The following PLEKHA4 variants were observed in gnomAD, a reference collection of about 807,000 sequenced individuals.
PLEKHA4 encodes the protein pleckstrin homology domain-containing family A member 4.
In PLEKHA4, 73 loss-of-function variants were observed where a neutral mutation model predicts 94.7. The ratio of observed to expected loss-of-function variants is 0.77; its 90% CI spans 0.64 to 0.94. PLEKHA4 has a LOEUF of 0.94. Among genes scored for constraint, PLEKHA4 ranks in the 40% least tolerant of loss-of-function variants. The pLI, the probability that PLEKHA4 is intolerant of heterozygous loss-of-function variation, is 0.00. For missense variants in PLEKHA4, 1,049 were observed against 1,054.1 expected (o/e 1.00, Z 0.07); for synonymous variants, 449 against 437.1 (o/e 1.03, Z -0.34).
chr19:48,849,971 G>T (rs1047007062), intron 13 of PLEKHA4, among the ~76,000 whole-genome samples: 7 of 152,162 alleles, frequency 4.6e-5, no homozygotes, highest in Admixed American at 4.6e-4. Flanking sequence ...CCAGCACTTT[G>T]GGAGGCCGAG....
At chr19:48,861,800 G>T (rs1382904805) in intron 3 of PLEKHA4, 108 bp from the exon 4 acceptor site, 3 of 977,280 alleles carry the variant, frequency 3.1e-6, no homozygotes, top group Non-Finnish European at 4.8e-6. Flanking sequence ...AACTTGGAGA[G>T]AGGAGAACAG....
intron 3 of PLEKHA4, among the ~76,000 whole-genome samples, chr19:48,863,452 C>G (rs1164822914): frequency 1.7e-5 from 2 of 115,724 alleles, no homozygotes; most frequent in African/African-American, 3.0e-5. Context: ...TTTTTTGAGA[C>G]GGAGTCTTCG....
chr19:48,861,368 C>T (rs518822), intron 5 of PLEKHA4, 33 bp downstream of exon 5: 200,195 of 1,575,566 alleles, frequency 0.13, 16,082 homozygotes, highest in African/African-American at 0.36. Context: ...CAGTTCCCAT[C>T]GCCTGGTGCA....
chr19:48,856,218 A>T (rs962526926), intron 9 of PLEKHA4, among the ~76,000 whole-genome samples: 5 of 146,676 alleles, frequency 3.4e-5, no homozygotes, highest in Non-Finnish European at 6.0e-5. Context: ...AAAGAAAGAG[A>T]GAGAAAAAGG....
At chr19:48,852,192 G>C in intron 13 of PLEKHA4, 36 bp downstream of exon 13, 1 of 1,497,072 alleles carries the variant, frequency 6.7e-7, no homozygotes, top group South Asian at 1.1e-5. Flanking sequence ...ACTTGGAGTT[G>C]GGGGTGGGTC....
At chr19:48,839,510 G>C (rs894908951) in intron 17 of PLEKHA4, among the ~76,000 whole-genome samples, 6 of 152,024 alleles carry the variant, frequency 3.9e-5, no homozygotes, top group East Asian at 1.9e-4. Context: ...CGACTTCCCA[G>C]GCTTGGACTA....
chr19:48,837,449 G>A lies in PLEKHA4; in HGVS notation c.2180C>T (p.Ala727Val), dbSNP rs1488175425. 1.1e-5 allele frequency: 17 copies of A among 1,613,190 alleles called. No individual in the cohort carries two copies. The highest frequency in any genetic ancestry group is 1.4e-5 in the Non-Finnish European group (17 of 1,179,632). Residue 727 changes from alanine (A) to valine (V), a missense_variant, in exon 20 of 20, where the codon GCT becomes GTT. Physicochemically the swap from Ala to Val is moderately conservative, Grantham distance 64. Coordinates refer to ENST00000263265, the MANE Select transcript of PLEKHA4 (RefSeq NM_020904.3). This position sits in a 1 kb window ranked among gnomAD's most constrained non-coding sequence, Gnocchi z 4.3. Reference protein sequence around the residue: ...ETPPPRSPPVANSGSTGFSRR... With the variant: ...ETPPPRSPPVVNSGSTGFSRR... ...AGAGAACCCCGTGGAACCCGAATTA[G>A]CCACCGGGGGAGATCTGGGGGGAGG...
chr19:48,846,929 T>A (rs1260278927), intron 14 of PLEKHA4, among the ~76,000 whole-genome samples: 1 of 152,130 alleles, frequency 6.6e-6, no homozygotes, highest in East Asian at 1.9e-4. Context: ...CAGGCTGGAG[T>A]ACAGTGGTGC....
At chr19:48,841,542 G>A (rs748633809) in intron 16 of PLEKHA4, among the ~76,000 whole-genome samples, 1 of 151,982 alleles carries the variant, frequency 6.6e-6, no homozygotes, top group Non-Finnish European at 1.5e-5. Context: ...CAGGAGAATT[G>A]TTTGAACCCC....
intron 5 of PLEKHA4, 57 bp downstream of exon 5, chr19:48,861,344 C>A: frequency 7.0e-7 from 1 of 1,433,100 alleles, no homozygotes. Flanking sequence ...CAGATATCTA[C>A]CCGCCCTCAT....
Position 48,865,506 on chromosome 19 carries a change from CT to C in PLEKHA4, c.188del (p.Lys63SerfsTer34). On this transcript the variant is annotated frameshift_variant, in exon 3 of 20. Transcript: ENST00000263265. LOFTEE classifies it high-confidence loss of function. ...LPVHIRGWLH[K>X]QDSSGLRLWK... ...TTCCTTCTCCTACTGACCCCACCTG[CT>C]TATGAAGCCAGCCTCGGATGTGCAC... The C allele has an allele frequency of 1.2e-6, 2 of 1,613,466 alleles. No individual in the cohort carries two copies. The highest frequency in any genetic ancestry group is 1.7e-6 in the Non-Finnish European group (2 of 1,179,482).
intron 12 of PLEKHA4, among the ~76,000 whole-genome samples, chr19:48,853,175 T>TATC (rs1555782155): frequency 1.3e-5 from 2 of 151,338 alleles, no homozygotes; most frequent in Non-Finnish European, 2.9e-5. Flanking sequence ...AAGTGTTAAA[T>TATC]ATTCATTCAT....
At chr19:48,860,045 A>G (rs889839224) in intron 6 of PLEKHA4, 2 of 562,220 alleles carry the variant, frequency 3.6e-6, no homozygotes, top group Non-Finnish European at 6.3e-6. Context: ...GTGGCAGCTC[A>G]GGGGACTTCA....
Position 48,867,656 on chromosome 19 carries a change from T to C in PLEKHA4, c.-6-30A>G. On this transcript the variant is annotated intron_variant, in intron 1 of 19. Transcript: ENST00000263265. This position sits in a 1 kb window ranked among gnomAD's most constrained non-coding sequence, Gnocchi z 4.7. ...GGGAGAGAAAGAAAGGGGCTGTGTC[T>C]CTGCAGTGACGGGTGTGAGACAGAG... is the stretch of plus-strand genomic sequence containing the variant. 1 of 1,559,982 alleles carries C rather than the reference T, an allele frequency of 6.4e-7. No individual in the cohort carries two copies. Among genetic ancestry groups the C allele is most frequent in the African/African-American group, 1.3e-5 (1 of 74,194 alleles).
intron 6 of PLEKHA4, chr19:48,859,968 C>G: frequency 1.7e-6 from 1 of 576,358 alleles, no homozygotes; most frequent in Non-Finnish European, 3.0e-6. Context: ...CAGGCCATGT[C>G]AGAGCCTAAG....
At chr19:48,847,089 T>C (rs1297280024) in intron 14 of PLEKHA4, among the ~76,000 whole-genome samples, 1 of 152,128 alleles carries the variant, frequency 6.6e-6, no homozygotes, top group Admixed American at 6.6e-5. Context: ...AGTCCATATA[T>C]ATGTGGCACT....
chr19:48,837,231 C>T lies in PLEKHA4; in HGVS notation c.*58G>A. ...TGATGCCCTGAGTGGTCCCAGATCTCCGGCGGTACCTCCAGACCACGTCCT... is the reference window on the plus strand; with the variant it reads ...TGATGCCCTGAGTGGTCCCAGATCTTCGGCGGTACCTCCAGACCACGTCCT... On this transcript the variant is annotated 3_prime_UTR_variant, in exon 20 of 20. Transcript: ENST00000263265. This position sits in a 1 kb window ranked among gnomAD's most constrained non-coding sequence, Gnocchi z 4.3. 6.2e-7 allele frequency: 1 copy of T among 1,612,940 alleles called. No homozygotes were observed. The highest frequency in any genetic ancestry group is 8.5e-7 in the Non-Finnish European group (1 of 1,179,210).
intron 9 of PLEKHA4, among the ~76,000 whole-genome samples, chr19:48,855,078 A>G (rs1395075540): frequency 6.6e-6 from 1 of 152,114 alleles, no homozygotes; most frequent in Non-Finnish European, 1.5e-5. Context: ...TCTTGGCTTC[A>G]GAAAGATCAA....
At position 48,837,702 on chromosome 19, in the gene PLEKHA4, G is replaced by A; in HGVS notation, c.2078-151C>T. 1.0e-6 allele frequency: 1 copy of A among 957,910 alleles called. No individual in the cohort carries two copies. The highest frequency in any genetic ancestry group is 1.7e-5 in the African/African-American group (1 of 58,686). The allele number at this position is 957,910 out of a possible 1,614,324, so 59.3% of individuals were successfully genotyped here. A position where few individuals can be genotyped will look rare whatever the true frequency, so the allele number is the denominator to read the frequency against. ...CAGGCCCCCAGCCCCTCCTCCCTCAGACCCAGGAGTCCAGGCCCCCAGCCC... is the reference window on the plus strand; with the variant it reads ...CAGGCCCCCAGCCCCTCCTCCCTCAAACCCAGGAGTCCAGGCCCCCAGCCC... On this transcript the variant is annotated intron_variant, in intron 19 of 19. Coordinates refer to ENST00000263265, the MANE Select transcript of PLEKHA4 (RefSeq NM_020904.3). This position sits in a 1 kb window ranked among gnomAD's most constrained non-coding sequence, Gnocchi z 4.3.
Sources: gnomAD v4.1 joint callset for allele counts (sites outside exome capture counted in the v4.1 genomes callset) on GRCh38, gnomAD v4.1.1 for gene constraint, Gnocchi (gnomAD v3.1) non-coding constraint, MANE v1.5 for transcripts, NCBI Gene and HGNC (gene_info 2026-07-23, HGNC 2026-07-21) for gene names.